Variants in DAB1 observed in about 807,000 individuals in gnomAD.
The protein encoded by DAB1 is disabled homolog 1.
Under a neutral mutation model 64.6 loss-of-function variants are expected in DAB1, and 15 were observed. That is an observed-to-expected ratio of 0.23 (90% CI 0.16 to 0.36). The LOEUF is 0.36. Ranked by LOEUF, DAB1 falls within the 10% of genes least tolerant of loss-of-function variation. DAB1 has a pLI of 1.00. For missense variants in DAB1, 596 were observed against 706.7 expected, an observed-to-expected ratio of 0.84 and a Z score of 1.78; for synonymous variants, 235 against 251.9, an observed-to-expected ratio of 0.93 and a Z score of 0.64.
At chr1:58,027,799 C>A (rs1356219074) in intron 5 of DAB1, among the ~76,000 whole-genome samples, 1 of 152,008 alleles carries the variant, frequency 6.6e-6, no homozygotes, top group Non-Finnish European at 1.5e-5. Flanking sequence ...ACAAAAAAAT[C>A]ATAATAATGG....
intron 14 of DAB1, among the ~76,000 whole-genome samples, chr1:57,003,963 G>A (rs113782562): frequency 2.0e-5 from 3 of 152,102 alleles, no homozygotes; most frequent in African/African-American, 7.2e-5. Flanking sequence ...TATAGACTAG[G>A]TTTGTTTTTT....
intron 1 of DAB1, among the ~76,000 whole-genome samples, chr1:57,868,745 CTTTA>C (rs746729219): frequency 6.6e-6 from 1 of 152,080 alleles, no homozygotes; most frequent in African/African-American, 2.4e-5. Flanking sequence ...ATAGTAGGCA[CTTTA>C]TGCCCTTTGA....
At chr1:57,392,170 G>A (rs1012578682) in intron 1 of DAB1, among the ~76,000 whole-genome samples, 20 of 152,190 alleles carry the variant, frequency 1.3e-4, no homozygotes, top group African/African-American at 3.9e-4. Context: ...TCAGGAGATC[G>A]AGACCAGCCA....
chr1:57,347,650 A>G (rs1433505746), intron 1 of DAB1, among the ~76,000 whole-genome samples: 1 of 152,214 alleles, frequency 6.6e-6, no homozygotes, highest in Non-Finnish European at 1.5e-5. Flanking sequence ...TTTCATTCCT[A>G]GAGATGTTTT....
intron 11 of DAB1, among the ~76,000 whole-genome samples, chr1:57,020,345 G>A (rs1570515982): frequency 6.6e-6 from 1 of 152,216 alleles, no homozygotes; most frequent in East Asian, 1.9e-4. Flanking sequence ...GCCAGGAACT[G>A]TTGTACCTAT....
chr1:57,628,219 G>T (rs1645946375), intron 7 of DAB1, among the ~76,000 whole-genome samples: 1 of 152,144 alleles, frequency 6.6e-6, no homozygotes. Flanking sequence ...GGCACTCCAG[G>T]GATGTTTTAA....
chr1:58,210,488 A>G (rs1658500990), intron 4 of DAB1, among the ~76,000 whole-genome samples: 1 of 151,088 alleles, frequency 6.6e-6, no homozygotes, highest in Non-Finnish European at 1.5e-5. Context: ...AATTAAAGGA[A>G]AAAAATAATA....
chr1:57,685,040 C>T (rs1293702584), intron 6 of DAB1, among the ~76,000 whole-genome samples: 1 of 151,660 alleles, frequency 6.6e-6, no homozygotes, highest in Non-Finnish European at 1.5e-5. Context: ...GCAACCTATG[C>T]CTCCCAGGTT....
At chr1:58,184,718 TC>T (rs766560761) in intron 4 of DAB1, among the ~76,000 whole-genome samples, 1 of 152,072 alleles carries the variant, frequency 6.6e-6, no homozygotes, top group African/African-American at 2.4e-5. Flanking sequence ...TCTGGGGAGG[TC>T]CACATTTTCC....
chr1:57,305,968 CAA>C (rs1048177276), intron 1 of DAB1, among the ~76,000 whole-genome samples: 15 of 62,248 alleles, frequency 2.4e-4, no homozygotes, highest in Admixed American at 3.6e-4. Flanking sequence ...GACTCCGTCT[CAA>C]AAAAAAAAAA....
chr1:57,995,270 G>A (rs76624533), intron 5 of DAB1, among the ~76,000 whole-genome samples: 1 of 152,288 alleles, frequency 6.6e-6, no homozygotes, highest in East Asian at 1.9e-4. Context: ...AAAAAGTTGA[G>A]GTTCTCATAG....
chr1:57,460,717 G>A (rs912750726), intron 7 of DAB1, among the ~76,000 whole-genome samples: 1 of 151,956 alleles, frequency 6.6e-6, no homozygotes, highest in African/African-American at 2.4e-5. Context: ...AGCTACAGAG[G>A]CCCCTTCATT....
chr1:58,242,796 G>A (rs564605580), intron 4 of DAB1, among the ~76,000 whole-genome samples: 2 of 151,984 alleles, frequency 1.3e-5, no homozygotes, highest in African/African-American at 4.8e-5. Flanking sequence ...CAGAGGAAGT[G>A]CCAGGCAGGA....
intron 3 of DAB1, among the ~76,000 whole-genome samples, chr1:58,445,644 G>A (rs977679137): frequency 1.3e-5 from 2 of 152,228 alleles, no homozygotes; most frequent in Non-Finnish European, 2.9e-5. Flanking sequence ...TGGATGTGTG[G>A]CGAGAGATGT....
At chr1:57,428,386 T>C (rs1203348246), upstream of DAB1, among the ~76,000 whole-genome samples, 2 of 152,200 alleles carry the variant, frequency 1.3e-5, no homozygotes, top group Non-Finnish European at 2.9e-5. Context: ...TGATTTAGAT[T>C]CCACATACAA....
intron 1 of DAB1, among the ~76,000 whole-genome samples, chr1:57,356,275 G>A (rs575442759): frequency 2.0e-5 from 3 of 152,152 alleles, no homozygotes; most frequent in South Asian, 2.1e-4. Context: ...AAAAGCCCTT[G>A]CCTTTAAAGT....
At chr1:57,318,798 G>A (rs1174149715) in intron 1 of DAB1, among the ~76,000 whole-genome samples, 2 of 151,552 alleles carry the variant, frequency 1.3e-5, no homozygotes, top group Middle Eastern at 3.2e-3. Flanking sequence ...TAAAAGAGAT[G>A]GGTAAAGACA....
chr1:57,538,857 C>A (rs184723700), intron 7 of DAB1, among the ~76,000 whole-genome samples: 23 of 152,320 alleles, frequency 1.5e-4, no homozygotes, highest in Non-Finnish European at 2.1e-4. Flanking sequence ...ACTCACCCCC[C>A]CTACAACTCT....
At chr1:58,384,667 A>C (rs922718263) in intron 3 of DAB1, among the ~76,000 whole-genome samples, 1 of 152,196 alleles carries the variant, frequency 6.6e-6, no homozygotes, top group Non-Finnish European at 1.5e-5. Flanking sequence ...CAAGTCCCAA[A>C]ACCTCAAAAG....
Sources: allele counts gnomAD v4.1 joint callset (sites outside exome capture counted in the v4.1 genomes callset), GRCh38; gene constraint gnomAD v4.1.1; transcripts MANE v1.5; gene names NCBI Gene and HGNC (gene_info 2026-07-23, HGNC 2026-07-21).